Variants in NRG3 observed in about 807,000 individuals in gnomAD.
The protein encoded by NRG3 is pro-neuregulin-3, membrane-bound isoform.
Under a neutral mutation model 66.9 loss-of-function variants are expected in NRG3, and 31 were observed. The ratio of observed to expected loss-of-function variants is 0.46; its 90% CI spans 0.35 to 0.63. The LOEUF is 0.63. NRG3 is among the 20% of genes least tolerant of loss of function. The pLI is 0.00. For missense variants in NRG3, 910 were observed against 878.9 expected, an observed-to-expected ratio of 1.04 and a Z score of -0.45; for synonymous variants, 393 against 359.4, an observed-to-expected ratio of 1.09 and a Z score of -1.06.
intron 1 of NRG3, among the ~76,000 whole-genome samples, chr10:82,029,284 G>A (rs1246515195): frequency 6.6e-6 from 1 of 152,078 alleles, no homozygotes; most frequent in Non-Finnish European, 1.5e-5. Context: ...GAGAAATTTA[G>A]TTAACTTTTC....
Position 82,579,725 on chromosome 10 carries a change from G to A in NRG3, c.954-158852G>A, listed in dbSNP as rs528416480. 3.9e-5 allele frequency among the ~76,000 whole-genome samples: 6 copies of A among 152,080 alleles called. No individual in the cohort carries two copies. The East Asian group carries it at 1.2e-3, about 29-fold the overall frequency. ...TCCCCATAATCTCATTTCACCAGGT[G>A]TAGGAAACTTCAAACTATCTTAATA... On this transcript the variant is annotated intron_variant, in intron 2 of 8. Transcript: ENST00000372141.
intron 1 of NRG3, among the ~76,000 whole-genome samples, chr10:82,303,751 C>G (rs756262118): frequency 2.0e-4 from 31 of 151,866 alleles, no homozygotes; most frequent in Non-Finnish European, 4.3e-4. Context: ...GCCTGTAATC[C>G]CAGCTACTCG....
chr10:81,921,583 A>AT (rs1363694290), intron 1 of NRG3, among the ~76,000 whole-genome samples: 1 of 151,964 alleles, frequency 6.6e-6, no homozygotes, highest in African/African-American at 2.4e-5. Context: ...TTATGATTGG[A>AT]TTTTTTATTT....
rs11196721 is a variant in NRG3 at position 82,982,033 on chromosome 10, A to C, written c.1583+2913A>C. Among the ~76,000 whole-genome samples, 460 of 152,316 alleles carry C rather than the reference A, an allele frequency of 3.0e-3. 8 individuals carry two copies. The East Asian group carries it at 0.05, about 17-fold the overall frequency. ...CAAAGTGACATACACAGTCCTGTGT[A>C]AAAGAGCTGCGATTGAATACTGGCT... On this transcript the variant is annotated intron_variant, in intron 8 of 8. Coordinates refer to ENST00000372141, the MANE Select transcript of NRG3 (RefSeq NM_001010848.4).
intron 2 of NRG3, among the ~76,000 whole-genome samples, chr10:82,571,131 T>C (rs868413427): frequency 4.0e-5 from 6 of 151,544 alleles, no homozygotes; most frequent in Non-Finnish European, 8.9e-5. Context: ...TTCTAGGTTT[T>C]GTATCCTGTT....
At chr10:82,977,518 C>T (rs112783217) in intron 7 of NRG3, among the ~76,000 whole-genome samples, 5 of 147,822 alleles carry the variant, frequency 3.4e-5, no homozygotes, top group African/African-American at 5.0e-5. Context: ...CTGGGGCAGG[C>T]GAATCACTTG....
intron 1 of NRG3, among the ~76,000 whole-genome samples, chr10:82,041,727 T>TA (rs2063047609): frequency 6.6e-6 from 1 of 151,946 alleles, no homozygotes; most frequent in Non-Finnish European, 1.5e-5. Flanking sequence ...TCCCTCCTTC[T>TA]ATCCTTCTCT....
intron 4 of NRG3, among the ~76,000 whole-genome samples, chr10:82,893,313 T>G (rs1843334538): frequency 6.6e-6 from 1 of 152,194 alleles, no homozygotes; most frequent in Non-Finnish European, 1.5e-5. Context: ...AGTTATGCCT[T>G]TTATAATCAG....
intron 2 of NRG3, among the ~76,000 whole-genome samples, chr10:82,491,313 TATAA>T (rs1843116341): frequency 2.0e-5 from 1 of 50,166 alleles, no homozygotes; most frequent in African/African-American, 3.7e-5. Flanking sequence ...TATATATATA[TATAA>T]AATAAAGATG....
chr10:81,935,763 G>A (rs1261356242), intron 1 of NRG3, among the ~76,000 whole-genome samples: 1 of 152,034 alleles, frequency 6.6e-6, no homozygotes, highest in Non-Finnish European at 1.5e-5. Flanking sequence ...GAGCCTTCCT[G>A]ACCAACCTGT....
chr10:81,938,939 C>A (rs1393324990), intron 1 of NRG3, among the ~76,000 whole-genome samples: 1 of 151,696 alleles, frequency 6.6e-6, no homozygotes, highest in Non-Finnish European at 1.5e-5. Context: ...TTCTTCTATT[C>A]CTAGTTTGTT....
intron 2 of NRG3, among the ~76,000 whole-genome samples, chr10:82,473,127 G>A (rs984426490): frequency 6.6e-6 from 1 of 152,178 alleles, no homozygotes; most frequent in South Asian, 2.1e-4. Context: ...TCCTGTGATT[G>A]TACAGTCATG....
At chr10:82,237,435 T>G (rs2076809910) in intron 1 of NRG3, among the ~76,000 whole-genome samples, 1 of 152,214 alleles carries the variant, frequency 6.6e-6, no homozygotes, top group African/African-American at 2.4e-5. Context: ...CAATTTGTAA[T>G]TTTATAGGTA....
chr10:82,362,241 T>TAA (rs796158920), intron 2 of NRG3, among the ~76,000 whole-genome samples: 11 of 136,114 alleles, frequency 8.1e-5, no homozygotes, highest in African/African-American at 3.0e-4. Flanking sequence ...GCAATTTAAT[T>TAA]AAAAAAAAAA....
At chr10:82,575,703 CA>C (rs1481453274) in intron 2 of NRG3, among the ~76,000 whole-genome samples, 5 of 151,706 alleles carry the variant, frequency 3.3e-5, no homozygotes, top group East Asian at 1.9e-4. Flanking sequence ...CCTATGGGGC[CA>C]AAAATCAAAG....
At chr10:82,275,890 T>C (rs1341326185) in intron 1 of NRG3, among the ~76,000 whole-genome samples, 3 of 152,128 alleles carry the variant, frequency 2.0e-5, no homozygotes, top group African/African-American at 7.2e-5. Context: ...CCAATGATAT[T>C]ATGAATCATG....
chr10:82,711,744 T>C (rs1248822493), intron 2 of NRG3, among the ~76,000 whole-genome samples: 2 of 152,208 alleles, frequency 1.3e-5, no homozygotes, highest in African/African-American at 4.8e-5. Flanking sequence ...CTGTTTATCA[T>C]ATGATCAATT....
At position 81,875,783 on chromosome 10, in the gene NRG3, C is replaced by T. The variant is rs754945385; in HGVS notation, c.443C>T (p.Ser148Phe). Residue 148 changes from serine to phenylalanine, a missense_variant, in exon 1 of 9, where the codon TCC becomes TTC. Coordinates refer to ENST00000372141, the MANE Select transcript of NRG3 (RefSeq NM_001010848.4). This position sits in a 1 kb window ranked among gnomAD's most constrained non-coding sequence, Gnocchi z 5.3. ...ATPSAGGAASSRTPNRISTRL... is the reference protein window; with the variant it reads ...ATPSAGGAASFRTPNRISTRL... Reference sequence around the variant, plus strand: ...CCCTCCGCCGGGGGTGCCGCCTCCTCCAGGACGCCCAACCGGATTAGCACT... The same window carrying T: ...CCCTCCGCCGGGGGTGCCGCCTCCTTCAGGACGCCCAACCGGATTAGCACT... The T allele has an allele frequency of 6.2e-7, 1 of 1,611,154 alleles. No individual in the cohort carries two copies. Among genetic ancestry groups the T allele is most frequent in the South Asian group, 1.1e-5 (1 of 91,058 alleles).
chr10:82,662,360 T>TA (rs111614091), intron 2 of NRG3, among the ~76,000 whole-genome samples: 122 of 141,626 alleles, frequency 8.6e-4, no homozygotes, highest in South Asian at 1.6e-3. Flanking sequence ...CAGACTCTTT[T>TA]AAAAAAAAAA....
Sources: allele counts gnomAD v4.1 joint callset (sites outside exome capture counted in the v4.1 genomes callset), GRCh38; gene constraint gnomAD v4.1.1; non-coding constraint Gnocchi (gnomAD v3.1); transcripts MANE v1.5; gene names NCBI Gene and HGNC (gene_info 2026-07-23, HGNC 2026-07-21).